Variants in SOX5 observed in about 807,000 individuals in gnomAD.
SOX5 encodes SRY-box transcription factor 5.
Under a neutral mutation model 92.0 loss-of-function variants are expected in SOX5, and 9 were observed. The observed-to-expected ratio is 0.10, with a 90% CI of 0.06 to 0.17. The LOEUF is 0.17. Among genes scored for constraint, SOX5 ranks in the 10% least tolerant of loss-of-function variants. SOX5 has a pLI of 1.00. For missense variants in SOX5, 642 were observed against 944.5 expected, an observed-to-expected ratio of 0.68 and a Z score of 4.20; for synonymous variants, 344 against 336.3, an observed-to-expected ratio of 1.02 and a Z score of -0.25.
chr12:24,264,323 C>A (rs1470384242), intron 3 of SOX5, among the ~76,000 whole-genome samples: 2 of 152,100 alleles, frequency 1.3e-5, no homozygotes, highest in African/African-American at 4.8e-5. Context: ...TCTATACATA[C>A]ATTTTCTTTT....
chr12:24,064,228 A>G (rs1357674648), intron 4 of SOX5, among the ~76,000 whole-genome samples: 1 of 152,240 alleles, frequency 6.6e-6, no homozygotes, highest in African/African-American at 2.4e-5. Flanking sequence ...CTCTTCAAAG[A>G]GTGGCCCTTC....
intron 1 of SOX5, among the ~76,000 whole-genome samples, chr12:24,495,995 T>C (rs750095707): frequency 6.6e-6 from 1 of 152,220 alleles, no homozygotes; most frequent in African/African-American, 2.4e-5. Context: ...GACTTTATTT[T>C]ATGACAATAA....
At chr12:24,186,374 G>GC (rs1956016477) in intron 4 of SOX5, among the ~76,000 whole-genome samples, 1 of 152,132 alleles carries the variant, frequency 6.6e-6, no homozygotes, top group Non-Finnish European at 1.5e-5. Context: ...CTTTACACAA[G>GC]CCACAATCTT....
chr12:23,788,110 T>G (rs1338084867), intron 3 of SOX5, among the ~76,000 whole-genome samples: 3 of 151,878 alleles, frequency 2.0e-5, no homozygotes, highest in African/African-American at 2.4e-5. Flanking sequence ...GTATTCATTT[T>G]TATTATGGTT....
chr12:23,601,456 C>G (rs2074483434), intron 9 of SOX5, among the ~76,000 whole-genome samples: 1 of 151,998 alleles, frequency 6.6e-6, no homozygotes, highest in African/African-American at 2.4e-5. Context: ...TAACTTAAAC[C>G]ATCAATTTGG....
chr12:23,971,398 A>T (rs1223928522), intron 4 of SOX5, among the ~76,000 whole-genome samples: 4 of 151,604 alleles, frequency 2.6e-5, no homozygotes. Flanking sequence ...CTGGGATTAC[A>T]AGTGTGAGCC....
intron 4 of SOX5, among the ~76,000 whole-genome samples, chr12:23,977,757 C>A (rs564368499): frequency 1.0e-4 from 15 of 150,498 alleles, no homozygotes; most frequent in Non-Finnish European, 1.5e-5. Context: ...ACCCTTGTAC[C>A]TAAGAAAAGA....
chr12:24,133,721 C>T (rs1422041186), intron 4 of SOX5, among the ~76,000 whole-genome samples: 1 of 152,132 alleles, frequency 6.6e-6, no homozygotes, highest in African/African-American at 2.4e-5. Flanking sequence ...AGGGTCCTCT[C>T]CCCGACTGGT....
At position 24,348,049 on chromosome 12, in the gene SOX5, C is replaced by CAAAAAAAAAAAAAA. The variant is rs1182462748; in HGVS notation, c.-174+20500_-174+20513dup. ...TTTCTTCAGAGATAATACAGCTAAT[C>CAAAAAAAAAAAAAA]AAAAAAAAAAAAAAAAAAAAACAGA... On this transcript the variant is annotated intron_variant, in intron 2 of 4. Coordinates refer to the SOX5 transcript ENST00000446891. 1.7e-4 allele frequency among the ~76,000 whole-genome samples: 12 copies of CAAAAAAAAAAAAAA among 72,722 alleles called. 1 individual carries two copies. Among genetic ancestry groups the CAAAAAAAAAAAAAA allele is most frequent in the African/African-American group, 3.8e-4 (8 of 21,102 alleles). The allele number at this position is 72,722 out of a possible 152,430, so 47.7% of individuals were successfully genotyped here.
intron 1 of SOX5, among the ~76,000 whole-genome samples, chr12:23,931,890 G>A (rs991034092): frequency 2.0e-5 from 3 of 151,454 alleles, no homozygotes; most frequent in African/African-American, 4.8e-5. Flanking sequence ...GCAAAAAATG[G>A]TATTCATGGC....
At chr12:24,235,278 A>G (rs1209894144) in intron 3 of SOX5, among the ~76,000 whole-genome samples, 1 of 152,206 alleles carries the variant, frequency 6.6e-6, no homozygotes, top group African/African-American at 2.4e-5. Context: ...AGAGTAATAA[A>G]ATAATTTAAT....
chr12:24,284,589 G>A (rs78548176), intron 2 of SOX5, among the ~76,000 whole-genome samples: 5,275 of 152,218 alleles, frequency 0.035, 170 homozygotes, highest in East Asian at 0.079. Context: ...TGCTATTTGA[G>A]TTTCTCCCTC....
intron 1 of SOX5, among the ~76,000 whole-genome samples, chr12:24,514,819 G>T (rs750371687): frequency 1.3e-5 from 2 of 152,086 alleles, no homozygotes; most frequent in Admixed American, 1.3e-4. Context: ...ATCAAATATC[G>T]CGTGTTCTCA....
chr12:23,824,963 G>T (rs11047118), intron 3 of SOX5, among the ~76,000 whole-genome samples: 12,359 of 152,210 alleles, frequency 0.081, 608 homozygotes, highest in Admixed American at 0.11. Flanking sequence ...AGTGTCCCAG[G>T]TTGACTTCAG....
intron 6 of SOX5, among the ~76,000 whole-genome samples, chr12:23,715,197 G>A (rs954883419): frequency 1.3e-5 from 2 of 151,942 alleles, no homozygotes; most frequent in African/African-American, 4.8e-5. Flanking sequence ...TACTAGGGAG[G>A]CTGAGGTAGG....
rs2079958074 is a variant in SOX5, at chr12:23,640,825, G to C, written c.1004C>G (p.Pro335Arg). 1.2e-6 allele frequency: 2 copies of C among 1,613,092 alleles called. No individual in the cohort carries two copies. The highest frequency in any genetic ancestry group is 1.3e-5 in the African/African-American group (1 of 74,900). ...TTCCTGACTTACCTGCAGTTGGAGT[G>C]GGCCTAAGCCTGGTGTTGCTGCGGC... ...AAAAATPGLG[P>R]LQLQQLYAAQ... Residue 335 changes from proline (P) to arginine (R), a missense_variant, in exon 8 of 15, where the codon CCA becomes CGA. Physicochemically the swap from Pro to Arg is moderately radical, Grantham distance 103. Coordinates refer to ENST00000451604, the MANE Select transcript of SOX5 (RefSeq NM_006940.6).
intron 4 of SOX5, among the ~76,000 whole-genome samples, chr12:24,037,650 A>G (rs1956172933): frequency 6.6e-6 from 1 of 152,204 alleles, no homozygotes; most frequent in Non-Finnish European, 1.5e-5. Context: ...AATTCAAAAT[A>G]TCCCAGTCTT....
At chr12:23,685,744 C>G (rs2087442015) in intron 6 of SOX5, among the ~76,000 whole-genome samples, 1 of 151,916 alleles carries the variant, frequency 6.6e-6, no homozygotes, top group Non-Finnish European at 1.5e-5. Flanking sequence ...ATCCCAGCAG[C>G]CCCCTGGAGG....
intron 4 of SOX5, among the ~76,000 whole-genome samples, chr12:24,003,355 G>T (rs4280087): frequency 6.6e-6 from 1 of 151,510 alleles, no homozygotes; most frequent in Non-Finnish European, 1.5e-5. Context: ...TTACTGGAAA[G>T]TAAGATGTAA....
Sources: gnomAD v4.1 joint callset for allele counts (sites outside exome capture counted in the v4.1 genomes callset) on GRCh38, gnomAD v4.1.1 for gene constraint, MANE v1.5 for transcripts, NCBI Gene and HGNC (gene_info 2026-07-23, HGNC 2026-07-21) for gene names.